Variants in NELL2 observed in about 807,000 individuals in gnomAD.
NELL2 encodes protein kinase C-binding protein NELL2.
Under a neutral mutation model 109.6 loss-of-function variants are expected in NELL2, and 41 were observed. The ratio of observed to expected loss-of-function variants is 0.37; its 90% CI spans 0.29 to 0.49. NELL2 has a LOEUF of 0.49. NELL2 is among the 20% of genes least tolerant of loss of function. The pLI, the probability that NELL2 is intolerant of heterozygous loss-of-function variation, is 0.98. For missense variants in NELL2, 900 were observed against 1,008.3 expected, an observed-to-expected ratio of 0.89 and a Z score of 1.45; for synonymous variants, 355 against 344.7, an observed-to-expected ratio of 1.03 and a Z score of -0.33.
chr12:44,663,149 C>G (rs1566111754), intron 13 of NELL2, among the ~76,000 whole-genome samples: 2 of 151,984 alleles, frequency 1.3e-5, no homozygotes, highest in Non-Finnish European at 2.9e-5. Flanking sequence ...TGTACAGACC[C>G]TAATATCAAA....
intron 9 of NELL2, among the ~76,000 whole-genome samples, chr12:44,756,697 C>CTT (rs1940906668): frequency 6.6e-6 from 1 of 152,136 alleles, no homozygotes; most frequent in Admixed American, 6.6e-5. Flanking sequence ...CTTTAGCTTC[C>CTT]TTGGTACAAT....
chr12:44,911,392 G>A (rs970450711), intron 1 of NELL2, among the ~76,000 whole-genome samples: 7 of 151,848 alleles, frequency 4.6e-5, no homozygotes, highest in East Asian at 3.9e-4. Flanking sequence ...TATATTTCTC[G>A]GGGAAACCAT....
chr12:44,860,817 G>A (rs1196646889), intron 2 of NELL2, among the ~76,000 whole-genome samples: 2 of 152,172 alleles, frequency 1.3e-5, no homozygotes, highest in African/African-American at 4.8e-5. Context: ...GTGGACAGCT[G>A]ACTCTCAATC....
intron 2 of NELL2, among the ~76,000 whole-genome samples, chr12:44,829,851 A>G (rs1258293914): frequency 6.6e-6 from 1 of 152,194 alleles, no homozygotes; most frequent in Non-Finnish European, 1.5e-5. Context: ...TTAAGATAGT[A>G]ACCATTAAGT....
upstream of NELL2, chr12:44,876,635 G>C (rs954621246): frequency 3.2e-6 from 5 of 1,551,328 alleles, no homozygotes; most frequent in African/African-American, 2.7e-5. Flanking sequence ...TGTCTTGAAA[G>C]ACAGGAGAGA....
chr12:44,649,600 G>A (rs1592269360), intron 13 of NELL2, among the ~76,000 whole-genome samples: 2 of 152,288 alleles, frequency 1.3e-5, no homozygotes, highest in South Asian at 4.1e-4. Flanking sequence ...GACTGTCACA[G>A]CATTGAAGGC....
chr12:44,739,916 T>G (rs969476770), intron 9 of NELL2, among the ~76,000 whole-genome samples: 1 of 152,068 alleles, frequency 6.6e-6, no homozygotes, highest in South Asian at 2.1e-4. Flanking sequence ...AAAAAAAACA[T>G]GGTTTTATTA....
chr12:44,776,891 G>A (rs1941776268), intron 7 of NELL2, 151 bp downstream of exon 7: 1 of 654,756 alleles, frequency 1.5e-6, no homozygotes, highest in South Asian at 2.0e-5. Flanking sequence ...ATATTTATAA[G>A]CCTTTCCTTA....
At chr12:44,595,209 G>A (rs2136230628) in intron 15 of NELL2, among the ~76,000 whole-genome samples, 1 of 152,218 alleles carries the variant, frequency 6.6e-6, no homozygotes, top group South Asian at 2.1e-4. Context: ...ATAACAACTA[G>A]TAAATATGCT....
chr12:44,648,565 G>A (rs1041807055), intron 13 of NELL2, among the ~76,000 whole-genome samples: 6 of 151,848 alleles, frequency 4.0e-5, no homozygotes, highest in African/African-American at 1.5e-4. Context: ...TACACTGCAT[G>A]TGAAGACAAA....
At chr12:44,643,775 T>C (rs536433994) in intron 13 of NELL2, among the ~76,000 whole-genome samples, 2 of 152,330 alleles carry the variant, frequency 1.3e-5, no homozygotes, top group Non-Finnish European at 2.9e-5. Context: ...GTAGAGTTTC[T>C]ATGGATAAAT....
At chr12:44,844,994 A>G (rs911363015) in intron 2 of NELL2, among the ~76,000 whole-genome samples, 6 of 152,166 alleles carry the variant, frequency 3.9e-5, no homozygotes, top group Non-Finnish European at 7.4e-5. Context: ...AATTTTTTAC[A>G]TACCCTTTTA....
intron 15 of NELL2, among the ~76,000 whole-genome samples, chr12:44,549,964 G>T (rs562078939): frequency 6.6e-6 from 1 of 152,132 alleles, no homozygotes; most frequent in Non-Finnish European, 1.5e-5. Flanking sequence ...GAACAAAGCT[G>T]GAAGTATCAC....
intron 2 of NELL2, among the ~76,000 whole-genome samples, chr12:44,849,808 A>C (rs866802874): frequency 3.3e-5 from 5 of 152,200 alleles, no homozygotes; most frequent in East Asian, 1.9e-4. Context: ...AATACTCAGC[A>C]ACAAAAGGGA....
At chr12:44,537,971 A>G (rs1278131627) in intron 15 of NELL2, among the ~76,000 whole-genome samples, 1 of 152,212 alleles carries the variant, frequency 6.6e-6, no homozygotes, top group African/African-American at 2.4e-5. Flanking sequence ...CCAACATTGC[A>G]TATTTAGAGA....
chr12:44,817,748 C>T (rs542315175), intron 2 of NELL2, among the ~76,000 whole-genome samples: 1 of 152,170 alleles, frequency 6.6e-6, no homozygotes, highest in African/African-American at 2.4e-5. Flanking sequence ...GTTTCCATCA[C>T]CATTATCAAT....
chr12:44,725,441 T>A (rs988282597), intron 9 of NELL2, among the ~76,000 whole-genome samples: 1 of 152,154 alleles, frequency 6.6e-6, no homozygotes, highest in Non-Finnish European at 1.5e-5. Context: ...GAAAGCAGTA[T>A]GGTGATTCCT....
chr12:44,842,442 T>C (rs879567195), intron 2 of NELL2, among the ~76,000 whole-genome samples: 1 of 152,042 alleles, frequency 6.6e-6, no homozygotes, highest in Non-Finnish European at 1.5e-5. Context: ...CAAAAATCAA[T>C]TCAAAATGTA....
At chr12:44,836,978 G>A (rs1268718219) in intron 2 of NELL2, among the ~76,000 whole-genome samples, 2 of 152,102 alleles carry the variant, frequency 1.3e-5, no homozygotes, top group African/African-American at 2.4e-5. Context: ...ACCTCACAGC[G>A]ACCACTACCG....
Sources: gnomAD v4.1 joint callset for allele counts (sites outside exome capture counted in the v4.1 genomes callset) on GRCh38, gnomAD v4.1.1 for gene constraint, MANE v1.5 for transcripts, NCBI Gene and HGNC (gene_info 2026-07-23, HGNC 2026-07-21) for gene names.